The following CADM1 variants were observed in gnomAD, a reference collection of about 807,000 sequenced individuals.
CADM1 encodes the protein cell adhesion molecule 1, also known as TSLC-1.
CADM1 carries 15 observed loss-of-function variants against 53.1 expected under a neutral mutation model. The ratio of observed to expected loss-of-function variants is 0.28; its 90% CI spans 0.19 to 0.44. CADM1 has a LOEUF of 0.44. CADM1 is among the 20% of genes least tolerant of loss of function. CADM1 has a pLI of 1.00. For synonymous variants in CADM1, 281 were observed against 243.0 expected, an observed-to-expected ratio of 1.16 and a Z score of -1.45; for missense variants, 434 against 611.3, an observed-to-expected ratio of 0.71 and a Z score of 3.06.
intron 1 of CADM1, among the ~76,000 whole-genome samples, chr11:115,493,447 TA>T (rs1949543822): frequency 6.6e-6 from 1 of 152,068 alleles, no homozygotes; most frequent in Admixed American, 6.5e-5. Context: ...ATCCATTAAG[TA>T]AAGGGCCATT....
chr11:115,474,283 T>G (rs1465200073), intron 1 of CADM1, among the ~76,000 whole-genome samples: 1 of 91,480 alleles, frequency 1.1e-5, no homozygotes, highest in African/African-American at 4.6e-5. Context: ...AGAGCAAGAC[T>G]CCATCTCAAA....
chr11:115,212,273 T>C (rs558928707), intron 7 of CADM1, among the ~76,000 whole-genome samples: 24 of 152,302 alleles, frequency 1.6e-4, no homozygotes, highest in African/African-American at 5.8e-4. Context: ...CTTGCTAACT[T>C]TTAGTTCATA....
chr11:115,181,720 T>G (rs752012718), intron 10 of CADM1, among the ~76,000 whole-genome samples: 5 of 152,210 alleles, frequency 3.3e-5, no homozygotes, highest in Admixed American at 6.5e-5. Context: ...AAAGCAGAGC[T>G]GTTTCTGGAG....
intron 1 of CADM1, among the ~76,000 whole-genome samples, chr11:115,356,370 C>T (rs1403450026): frequency 1.3e-5 from 2 of 151,790 alleles, no homozygotes; most frequent in East Asian, 3.9e-4. Flanking sequence ...TTTGATACAT[C>T]TAATGTCTCC....
intron 1 of CADM1, among the ~76,000 whole-genome samples, chr11:115,467,507 C>T (rs1948921659): frequency 6.6e-6 from 1 of 152,260 alleles, no homozygotes; most frequent in African/African-American, 2.4e-5. Context: ...TGGGGCCACC[C>T]AACTATGAAG....
intron 1 of CADM1, among the ~76,000 whole-genome samples, chr11:115,474,746 T>C (rs866804439): frequency 1.1e-4 from 16 of 151,096 alleles, no homozygotes; most frequent in Non-Finnish European, 1.8e-4. Flanking sequence ...ATACCTAATG[T>C]AAATGACGAG....
At chr11:115,275,935 C>T (rs1033520746) in intron 1 of CADM1, among the ~76,000 whole-genome samples, 2 of 152,072 alleles carry the variant, frequency 1.3e-5, no homozygotes, top group Non-Finnish European at 2.9e-5. Context: ...CCAGGAAACA[C>T]AAAAATGTGT....
intron 1 of CADM1, among the ~76,000 whole-genome samples, chr11:115,484,313 C>A (rs1197525337): frequency 6.6e-6 from 1 of 152,166 alleles, no homozygotes; most frequent in Non-Finnish European, 1.5e-5. Flanking sequence ...TGCCATTAAG[C>A]TGACCTAGAT....
chr11:115,225,526 T>C (rs1293848000), intron 5 of CADM1, among the ~76,000 whole-genome samples: 2 of 152,134 alleles, frequency 1.3e-5, no homozygotes, highest in Admixed American at 6.6e-5. Flanking sequence ...TTTCACATAA[T>C]TGGGCACAAC....
intron 1 of CADM1, among the ~76,000 whole-genome samples, chr11:115,353,673 T>G (rs1945792756): frequency 6.6e-6 from 1 of 152,118 alleles, no homozygotes; most frequent in South Asian, 2.1e-4. Context: ...AGTTCATGCC[T>G]CAATCCATAA....
intron 1 of CADM1, among the ~76,000 whole-genome samples, chr11:115,261,534 A>G (rs1330590197): frequency 6.6e-6 from 1 of 152,188 alleles, no homozygotes; most frequent in Non-Finnish European, 1.5e-5. Context: ...TCATATGTTG[A>G]AGGGGTGTAT....
At chr11:115,289,431 C>A (rs1472701499) in intron 1 of CADM1, among the ~76,000 whole-genome samples, 1 of 151,726 alleles carries the variant, frequency 6.6e-6, no homozygotes, top group Non-Finnish European at 1.5e-5. Flanking sequence ...AATTGTCTAC[C>A]TTTAAGAATG....
At chr11:115,238,311 A>G (rs563904346) in intron 3 of CADM1, among the ~76,000 whole-genome samples, 189 bp downstream of exon 3, 9 of 152,204 alleles carry the variant, frequency 5.9e-5, no homozygotes, top group Non-Finnish European at 1.2e-4. Flanking sequence ...TGGAATCTAT[A>G]AAGACTGCTG....
chr11:115,244,809 C>T (rs1257038966), intron 1 of CADM1, among the ~76,000 whole-genome samples: 3 of 152,298 alleles, frequency 2.0e-5, no homozygotes, highest in East Asian at 3.9e-4. Context: ...ATCCAGAACA[C>T]AATTACACAC....
At chr11:115,176,634 C>T (rs771787609) in intron 11 of CADM1, 42 bp from the exon 12 acceptor site, 7 of 1,532,984 alleles carry the variant, frequency 4.6e-6, no homozygotes, top group African/African-American at 1.4e-5. Context: ...GTCTGATGGC[C>T]TCTGTGTAAA....
intron 1 of CADM1, among the ~76,000 whole-genome samples, chr11:115,453,828 A>G (rs1373159424): frequency 2.6e-5 from 4 of 152,184 alleles, no homozygotes; most frequent in Admixed American, 2.6e-4. Flanking sequence ...CTGCCATGCT[A>G]CAACCTAAAA....
chr11:115,218,752 C>A (rs1941291341), intron 5 of CADM1, among the ~76,000 whole-genome samples: 1 of 152,074 alleles, frequency 6.6e-6, no homozygotes, highest in Non-Finnish European at 1.5e-5. Context: ...ATAATTAAAG[C>A]CAGGTATAGC....
chr11:115,332,682 G>A (rs917292221), intron 1 of CADM1, among the ~76,000 whole-genome samples: 1 of 152,144 alleles, frequency 6.6e-6, no homozygotes, highest in Non-Finnish European at 1.5e-5. Flanking sequence ...TTATAGGGGA[G>A]TACCCTTAAC....
intron 10 of CADM1, among the ~76,000 whole-genome samples, chr11:115,182,497 A>G (rs1371445945): frequency 6.6e-6 from 1 of 152,238 alleles, no homozygotes; most frequent in African/African-American, 2.4e-5. Flanking sequence ...GCATGATTGC[A>G]TAACACAGTT....
Sources: gnomAD v4.1 joint callset for allele counts (sites outside exome capture counted in the v4.1 genomes callset) on GRCh38, gnomAD v4.1.1 for gene constraint, MANE v1.5 for transcripts, NCBI Gene and HGNC (gene_info 2026-07-23, HGNC 2026-07-21) for gene names.